Variants in PDK1 observed in about 807,000 individuals in gnomAD.
PDK1 encodes the protein pyruvate dehydrogenase kinase 1, also known as [Pyruvate dehydrogenase (acetyl-transferring)] kinase isozyme 1, mitochondrial.
In PDK1, 39 loss-of-function variants were observed where a neutral mutation model predicts 54.2. That is an observed-to-expected ratio of 0.72 (90% CI 0.56 to 0.94). The LOEUF is 0.94. Among genes scored for constraint, PDK1 ranks in the 40% least tolerant of loss-of-function variants. The pLI is 0.00. For synonymous variants in PDK1, 221 were observed against 207.1 expected, an observed-to-expected ratio of 1.07 and a Z score of -0.58; for missense variants, 552 against 566.0, an observed-to-expected ratio of 0.98 and a Z score of 0.25.
chr2:172,621,983 T>G, the PDK1 span, among the ~76,000 whole-genome samples: 4 of 150,408 alleles, frequency 2.7e-5, no homozygotes, highest in South Asian at 2.1e-4. Flanking sequence ...TATGTTTATA[T>G]CTCATGATGC....
chr2:172,723,034 G>A, the PDK1 span, among the ~76,000 whole-genome samples: 1 of 151,908 alleles, frequency 6.6e-6, no homozygotes, highest in East Asian at 1.9e-4. Context: ...TTTAATTGTT[G>A]GGATTGTGAT....
In PDK1 at chr2:172,598,485, T is replaced by C. The variant is rs916618587; in HGVS notation, c.*2516T>C. On this transcript the variant is annotated 3_prime_UTR_variant, in exon 11 of 11. Coordinates refer to ENST00000282077, the MANE Select transcript of PDK1 (RefSeq NM_002610.5). ...GTTTTTAGATTTTATAGGAGCTAAT[T>C]TGTCCACCAGCATTAATGTAACACA... The C allele has an allele frequency of 6.6e-6, 1 of 152,328 alleles. No homozygotes were observed. The highest frequency in any genetic ancestry group is 2.4e-5 in the African/African-American group (1 of 41,570). The allele number at this position is 152,328 out of a possible 1,614,324, so 9.4% of individuals were successfully genotyped here. A position where few individuals can be genotyped will look rare whatever the true frequency, so the allele number is the denominator to read the frequency against.
the PDK1 span, among the ~76,000 whole-genome samples, chr2:172,702,394 T>C: frequency 6.6e-6 from 1 of 151,990 alleles, no homozygotes; most frequent in Non-Finnish European, 1.5e-5. Context: ...GAAGAATTGC[T>C]TGAAACCAGG....
the PDK1 span, among the ~76,000 whole-genome samples, chr2:172,721,490 A>G: frequency 6.6e-6 from 1 of 152,034 alleles, no homozygotes; most frequent in Non-Finnish European, 1.5e-5. Flanking sequence ...GGCATGTGCC[A>G]CCAGGCCTGG....
At chr2:172,696,179 A>AAG in the PDK1 span, among the ~76,000 whole-genome samples, 1 of 151,208 alleles carries the variant, frequency 6.6e-6, no homozygotes, top group African/African-American at 2.4e-5. Context: ...TCTCAAAAAA[A>AAG]AAAAAAAAAG....
chr2:172,722,482 A>G, the PDK1 span, among the ~76,000 whole-genome samples: 1 of 152,004 alleles, frequency 6.6e-6, no homozygotes, highest in Non-Finnish European at 1.5e-5. Flanking sequence ...TGAAGTCGAG[A>G]AGCTAAAAAC....
Position 172,600,359 on chromosome 2 carries a change from A to G in PDK1, c.*4390A>G, listed in dbSNP as rs1215004580. The stretch of plus-strand genomic sequence containing the variant: ...ATGGAGCCCATATGATTATATAACT[A>G]TAAAATAGGATGGGACAGAGAAAAA... On this transcript the variant is annotated 3_prime_UTR_variant, in exon 11 of 11. Transcript: ENST00000282077. 2.0e-5 allele frequency: 3 copies of G among 152,374 alleles called. No individual in the cohort carries two copies. Among genetic ancestry groups the G allele is most frequent in the Non-Finnish European group, 4.4e-5 (3 of 68,040 alleles). 9.4% of individuals were successfully genotyped at this position (152,374 alleles called of 1,614,324 possible).
chr2:172,681,930 G>A, the PDK1 span, among the ~76,000 whole-genome samples: 32 of 152,096 alleles, frequency 2.1e-4, no homozygotes, highest in African/African-American at 7.5e-4. Flanking sequence ...GCTAATTTTT[G>A]TATTTTTAGT....
chr2:172,557,759 G>A (rs191037957), intron 1 of PDK1, among the ~76,000 whole-genome samples: 175 of 151,494 alleles, frequency 1.2e-3, no homozygotes, highest in African/African-American at 4.1e-3. Context: ...ATAGGTGTGA[G>A]CCACCATGCC....
intron 1 of PDK1, 152 bp from the exon 2 acceptor site, chr2:172,558,556 A>T: frequency 1.6e-6 from 1 of 630,362 alleles, no homozygotes; most frequent in South Asian, 2.2e-5. Flanking sequence ...TCCCACAGGC[A>T]GGTGTATCTT....
At chr2:172,633,270 A>G in the PDK1 span, among the ~76,000 whole-genome samples, 1 of 151,422 alleles carries the variant, frequency 6.6e-6, no homozygotes, top group African/African-American at 2.4e-5. Flanking sequence ...CTGGTCTTAA[A>G]TTCCTGGTCT....
chr2:172,717,046 A>G, the PDK1 span, among the ~76,000 whole-genome samples: 1 of 152,228 alleles, frequency 6.6e-6, no homozygotes, highest in African/African-American at 2.4e-5. Flanking sequence ...GCACCCAGTG[A>G]TCTGCACTTC....
the PDK1 span, among the ~76,000 whole-genome samples, chr2:172,616,596 T>C: frequency 6.6e-6 from 1 of 152,292 alleles, no homozygotes; most frequent in African/African-American, 2.4e-5. Context: ...GAAAAGCACA[T>C]AGGTGAATGA....
the PDK1 span, among the ~76,000 whole-genome samples, chr2:172,647,777 G>T: frequency 1.3e-5 from 2 of 152,200 alleles, no homozygotes; most frequent in Admixed American, 1.3e-4. Flanking sequence ...ATGAGAAACA[G>T]AATAGTTGCA....
At chr2:172,656,878 C>T in the PDK1 span, among the ~76,000 whole-genome samples, 2 of 152,198 alleles carry the variant, frequency 1.3e-5, no homozygotes, top group Non-Finnish European at 2.9e-5. Context: ...CTGACTTTCA[C>T]CTGAGAGTTT....
chr2:172,685,883 C>T, the PDK1 span, among the ~76,000 whole-genome samples: 2 of 152,316 alleles, frequency 1.3e-5, no homozygotes, highest in East Asian at 3.9e-4. Flanking sequence ...TCTTCGTTGT[C>T]TCCAATGCCT....
the PDK1 span, among the ~76,000 whole-genome samples, chr2:172,655,512 C>T: frequency 2.0e-4 from 31 of 152,310 alleles, no homozygotes; most frequent in African/African-American, 6.3e-4. Flanking sequence ...TTTCTTTTCA[C>T]GTAAGAAGGT....
rs1691219432 is a variant in PDK1 at position 172,604,440 on chromosome 2, A to G, written c.*8471A>G. The G allele has an allele frequency of 6.6e-6, 1 of 151,994 alleles. No homozygotes were observed. The highest frequency in any genetic ancestry group is 6.6e-5 in the Admixed American group (1 of 15,256). The allele number at this position is 151,994 out of a possible 1,614,324, so 9.4% of individuals were successfully genotyped here. A position where few individuals can be genotyped will look rare whatever the true frequency, so the allele number is the denominator to read the frequency against. On this transcript the variant is annotated 3_prime_UTR_variant, in exon 11 of 11. Coordinates refer to ENST00000282077, the MANE Select transcript of PDK1 (RefSeq NM_002610.5). ...AGTTTTCAGCTTACAGATTCCGCGC[A>G]TATTTTGTTAGACTTAAATCTAAGT...
the PDK1 span, among the ~76,000 whole-genome samples, chr2:172,683,981 A>G: frequency 6.6e-6 from 1 of 152,258 alleles, no homozygotes; most frequent in Non-Finnish European, 1.5e-5. Context: ...CCCTGGAGGC[A>G]TAACAGAGGG....
Sources: gnomAD v4.1 joint callset for allele counts (sites outside exome capture counted in the v4.1 genomes callset) on GRCh38, gnomAD v4.1.1 for gene constraint, MANE v1.5 for transcripts, NCBI Gene and HGNC (gene_info 2026-07-23, HGNC 2026-07-21) for gene names.